The following IQCM variants were observed in gnomAD, a reference collection of about 807,000 sequenced individuals.
IQCM encodes the protein IQ motif containing M.
In IQCM, 45 loss-of-function variants were observed where a neutral mutation model predicts 57.6. The ratio of observed to expected loss-of-function variants is 0.78; its 90% confidence interval spans 0.62 to 1.00. The LOEUF (loss-of-function observed/expected upper bound fraction) is 1.00. Among genes scored for constraint, IQCM ranks in the 50% least tolerant of loss-of-function variants. The pLI, the probability that IQCM is intolerant of heterozygous loss-of-function variation, is 0.00. For synonymous variants in IQCM, 148 were observed against 158.9 expected, an observed-to-expected ratio of 0.93 and a Z score of 0.51; for missense variants, 468 against 511.6, an observed-to-expected ratio of 0.91 and a Z score of 0.82.
chr4:149,468,996 G>A (rs1289016307), intron 12 of IQCM, among the ~76,000 whole-genome samples: 2 of 152,076 alleles, frequency 1.3e-5, no homozygotes, highest in East Asian at 1.9e-4. Flanking sequence ...AAAGACCAAA[G>A]GTAGACAAAA....
chr4:149,517,626 C>A (rs541683069), intron 12 of IQCM, among the ~76,000 whole-genome samples: 2 of 152,188 alleles, frequency 1.3e-5, no homozygotes, highest in South Asian at 2.1e-4. Context: ...TGATCCTTGG[C>A]ATGTCTGAAG....
chr4:149,725,964 C>T (rs1020682827), intron 5 of IQCM, among the ~76,000 whole-genome samples: 28 of 152,112 alleles, frequency 1.8e-4, no homozygotes, highest in Middle Eastern at 3.4e-3. Flanking sequence ...GCTCTCTCAA[C>T]GAATAGCTAT....
intron 9 of IQCM, among the ~76,000 whole-genome samples, chr4:149,572,672 G>A (rs1485443463): frequency 6.6e-6 from 1 of 151,882 alleles, no homozygotes; most frequent in Non-Finnish European, 1.5e-5. Context: ...GCGCCTTGAA[G>A]GTTTCATCAT....
intron 7 of IQCM, among the ~76,000 whole-genome samples, chr4:149,676,576 CA>C (rs1227151179): frequency 6.6e-6 from 1 of 151,922 alleles, no homozygotes; most frequent in Admixed American, 6.6e-5. Context: ...AGTCACAGTG[CA>C]ATTAAGTAAC....
chr4:149,483,392 A>T (rs1741124010), intron 12 of IQCM, among the ~76,000 whole-genome samples: 1 of 151,584 alleles, frequency 6.6e-6, no homozygotes, highest in Non-Finnish European at 1.5e-5. Context: ...CTTCTTTTTG[A>T]TGCAGGTTCT....
chr4:149,788,981 C>T (rs1469964376), intron 2 of IQCM, among the ~76,000 whole-genome samples: 1 of 152,040 alleles, frequency 6.6e-6, no homozygotes, highest in Non-Finnish European at 1.5e-5. Flanking sequence ...TGATGGATGG[C>T]AGAGGCTGGG....
intron 12 of IQCM, among the ~76,000 whole-genome samples, chr4:149,498,957 G>T (rs532466498): frequency 6.6e-6 from 1 of 152,124 alleles, no homozygotes; most frequent in Non-Finnish European, 1.5e-5. Flanking sequence ...AGACAGAGAG[G>T]GGGGATAGCT....
chr4:149,619,902 A>AGT (rs1756170346), intron 8 of IQCM, among the ~76,000 whole-genome samples: 4 of 152,192 alleles, frequency 2.6e-5, no homozygotes, highest in African/African-American at 9.7e-5. Context: ...GACACCTGTA[A>AGT]TCCCAGCACT....
At chr4:149,539,804 G>A (rs577526476) in intron 12 of IQCM, among the ~76,000 whole-genome samples, 1 of 152,204 alleles carries the variant, frequency 6.6e-6, no homozygotes, top group African/African-American at 2.4e-5. Context: ...GGTGGGGGTT[G>A]CAGTGAGCCA....
At chr4:149,806,698 G>A (rs576514361) in intron 2 of IQCM, among the ~76,000 whole-genome samples, 1 of 151,880 alleles carries the variant, frequency 6.6e-6, no homozygotes, top group Non-Finnish European at 1.5e-5. Flanking sequence ...AGTAAATAAA[G>A]GATCAAAAAT....
chr4:149,809,858 T>C lies in IQCM; in HGVS notation c.-49+5453A>G, dbSNP rs146911714. On this transcript the variant is annotated intron_variant, in intron 2 of 13. Coordinates refer to ENST00000636793, the MANE Select transcript of IQCM (RefSeq NM_001363507.2). ...AGGATATGCACCAGAAATCTTTCAA[T>C]CCTATTGTTTACCATAAGCAACCCA... Among the ~76,000 whole-genome samples the C allele has an allele frequency of 5.9e-3, 905 of 152,284 alleles. 1 individual carries two copies. The highest frequency in any genetic ancestry group is 9.3e-3 in the Non-Finnish European group (635 of 68,018).
chr4:149,548,683 G>T, intron 11 of IQCM, 94 bp from the exon 12 acceptor site: 1 of 568,264 alleles, frequency 1.8e-6, no homozygotes, highest in Non-Finnish European at 2.6e-6. Flanking sequence ...CTACCAGTAA[G>T]TCTCCATGAT....
intron 7 of IQCM, among the ~76,000 whole-genome samples, chr4:149,628,188 C>G (rs2726777): frequency 0.44 from 66,493 of 151,900 alleles, 14,915 homozygotes; most frequent in South Asian, 0.57. Flanking sequence ...TTCAGTAAAA[C>G]TGTTTAAATC....
chr4:149,714,967 T>G (rs913458165), intron 5 of IQCM, among the ~76,000 whole-genome samples: 5 of 152,224 alleles, frequency 3.3e-5, no homozygotes, highest in Non-Finnish European at 7.3e-5. Context: ...ACTTATGAAT[T>G]GTTTATTTCT....
rs545903538 is a variant in IQCM, at chr4:149,613,320, T to C, written c.681+7809A>G. On this transcript the variant is annotated intron_variant, in intron 8 of 13. Coordinates refer to ENST00000636793, the MANE Select transcript of IQCM (RefSeq NM_001363507.2). ...TATTTTTCATTATGTGATAAAATTT[T>C]TCAAGTGCATGCCCACAGTTTTCTG... Among the ~76,000 whole-genome samples, 74 of 152,238 alleles carry C rather than the reference T, an allele frequency of 4.9e-4. 1 individual carries two copies. The South Asian group carries it at 0.015, about 32-fold the overall frequency.
At chr4:149,679,954 C>T (rs1762060189) in intron 7 of IQCM, among the ~76,000 whole-genome samples, 3 of 151,268 alleles carry the variant, frequency 2.0e-5, no homozygotes, top group African/African-American at 7.3e-5. Context: ...GTGGACCACT[C>T]TTAAATTATT....
At chr4:149,392,486 A>C (rs1319394020) in intron 13 of IQCM, among the ~76,000 whole-genome samples, 1 of 152,050 alleles carries the variant, frequency 6.6e-6, no homozygotes, top group Non-Finnish European at 1.5e-5. Flanking sequence ...CCACGGGGAA[A>C]AGGAAATGAC....
At chr4:149,666,991 T>TGGGCACAGCTTC (rs994386029) in intron 7 of IQCM, among the ~76,000 whole-genome samples, 6 of 152,086 alleles carry the variant, frequency 3.9e-5, no homozygotes, top group Admixed American at 2.6e-4. Flanking sequence ...GGGACAGCTG[T>TGGGCACAGCTTC]GGGCACAGCT....
chr4:149,622,312 A>G (rs1427909338), intron 7 of IQCM, among the ~76,000 whole-genome samples: 2 of 151,944 alleles, frequency 1.3e-5, no homozygotes, highest in African/African-American at 4.8e-5. Context: ...CATATATTTC[A>G]ATCACAATCC....
Sources: allele counts gnomAD v4.1 joint callset (sites outside exome capture counted in the v4.1 genomes callset), GRCh38; gene constraint gnomAD v4.1.1; transcripts MANE v1.5; gene names NCBI Gene and HGNC (gene_info 2026-07-23, HGNC 2026-07-21).